Variants in IGSF10 observed in about 807,000 individuals in gnomAD.
The protein encoded by IGSF10 is calvaria mechanical force protein 608.
A neutral mutation model predicts 128.2 loss-of-function variants in IGSF10; 126 were observed. That is an observed-to-expected ratio of 0.98 (90% CI 0.85 to 1.14). IGSF10 has a LOEUF of 1.14. Ranked by LOEUF, IGSF10 falls within the 50% of genes most tolerant of loss-of-function variation. The probability of loss-of-function intolerance (pLI) is 0.00; values close to 1 mark genes in which losing one functional copy is unlikely to be tolerated. For synonymous variants in IGSF10, 1,185 were observed against 1,146.2 expected (o/e 1.03, Z -0.68); for missense variants, 3,295 against 3,149.8 (o/e 1.05, Z -1.10).
At chr3:151,463,523 G>GGTTTTTTTGTTTT (rs1553837068), upstream of IGSF10, among the ~76,000 whole-genome samples, 1 of 31,272 alleles carries the variant, frequency 3.2e-5, no homozygotes, top group Admixed American at 4.1e-4. Flanking sequence ...ACATTTTCTG[G>GGTTTTTTTGTTTT]TTTTTTTTTT....
the IGSF10 span, among the ~76,000 whole-genome samples, chr3:151,489,000 T>C: frequency 6.6e-6 from 1 of 152,330 alleles, no homozygotes; most frequent in East Asian, 1.9e-4. Flanking sequence ...AAAGAACTTC[T>C]GCGCAGCAAA....
chr3:151,618,009 C>T, the IGSF10 span, among the ~76,000 whole-genome samples: 1 of 152,174 alleles, frequency 6.6e-6, no homozygotes, highest in East Asian at 1.9e-4. Context: ...CTGTTATAGA[C>T]TGAATGTTCA....
At chr3:151,619,756 C>T in the IGSF10 span, among the ~76,000 whole-genome samples, 13 of 152,074 alleles carry the variant, frequency 8.5e-5, no homozygotes, top group African/African-American at 3.1e-4. Flanking sequence ...ACTCTGCCCT[C>T]ATGAATTTAT....
At chr3:151,563,792 A>G in the IGSF10 span, among the ~76,000 whole-genome samples, 2 of 152,204 alleles carry the variant, frequency 1.3e-5, no homozygotes, top group Admixed American at 1.3e-4. Context: ...TTATTTAACA[A>G]ATATTTATAT....
chr3:151,579,573 C>T, the IGSF10 span, among the ~76,000 whole-genome samples: 1 of 149,132 alleles, frequency 6.7e-6, no homozygotes, highest in African/African-American at 2.5e-5. Context: ...AAAGATCAAT[C>T]AAAAGAAATG....
the IGSF10 span, among the ~76,000 whole-genome samples, chr3:151,498,971 G>A: frequency 6.6e-6 from 1 of 152,016 alleles, no homozygotes; most frequent in Admixed American, 6.6e-5. Context: ...TTTTTTTCAA[G>A]AGATCTAACA....
the IGSF10 span, among the ~76,000 whole-genome samples, chr3:151,497,300 T>C: frequency 1.3e-5 from 2 of 152,226 alleles, no homozygotes; most frequent in African/African-American, 4.8e-5. Context: ...AGGGTTTTTA[T>C]GGCTTTAGGT....
At chr3:151,463,114 G>A (rs1041738289), upstream of IGSF10, among the ~76,000 whole-genome samples, 1 of 152,168 alleles carries the variant, frequency 6.6e-6, no homozygotes, top group Non-Finnish European at 1.5e-5. Flanking sequence ...CAATTTCAAA[G>A]TGAACTCCTG....
chr3:151,600,202 A>C, the IGSF10 span, among the ~76,000 whole-genome samples: 3 of 152,180 alleles, frequency 2.0e-5, no homozygotes, highest in East Asian at 5.8e-4. Context: ...CTAAAACACA[A>C]TTTCTTACTC....
the IGSF10 span, among the ~76,000 whole-genome samples, chr3:151,573,205 G>C: frequency 6.6e-6 from 1 of 152,206 alleles, no homozygotes; most frequent in Non-Finnish European, 1.5e-5. Flanking sequence ...TGTATATTCT[G>C]TTGATTTGGG....
chr3:151,443,299 T>G lies in IGSF10; in HGVS notation c.5648A>C (p.Glu1883Ala). The G allele has an allele frequency of 6.2e-7, 1 of 1,614,042 alleles. No individual in the cohort carries two copies. Among genetic ancestry groups the G allele is most frequent in the African/African-American group, 1.3e-5 (1 of 75,048 alleles). The change falls in exon 7 of 8, where the codon GAA (glutamate) becomes GCA (alanine). Residue 1883 changes from glutamate to alanine, a missense_variant. Glu to Ala is a moderately radical substitution (Grantham distance 107, BLOSUM62 -1). Transcript: ENST00000282466. ...SVYWVLSDGT[E>A]VKPLQFTNSK... is the part of the protein sequence containing the mutation. ...ATTGGTAAACTGTAATGGTTTCACTTCAGTGCCATCAGAGAGGACCCAGTA... is the reference window on the plus strand; with the variant it reads ...ATTGGTAAACTGTAATGGTTTCACTGCAGTGCCATCAGAGAGGACCCAGTA...
the IGSF10 span, among the ~76,000 whole-genome samples, chr3:151,555,329 C>T: frequency 6.6e-6 from 1 of 151,936 alleles, no homozygotes; most frequent in Non-Finnish European, 1.5e-5. Flanking sequence ...ACAGACAAAA[C>T]ACTGGCCACT....
the IGSF10 span, among the ~76,000 whole-genome samples, chr3:151,532,532 T>A: frequency 6.6e-6 from 1 of 151,860 alleles, no homozygotes; most frequent in Non-Finnish European, 1.5e-5. Flanking sequence ...CATACCCAAA[T>A]TAATAAACAT....
chr3:151,462,375 T>C (rs376416787), upstream of IGSF10, among the ~76,000 whole-genome samples: 1 of 152,200 alleles, frequency 6.6e-6, no homozygotes, highest in Non-Finnish European at 1.5e-5. Context: ...TAGGAGTCCA[T>C]GTGTTAACAA....
chr3:151,528,926 ATGG>A, the IGSF10 span, among the ~76,000 whole-genome samples: 2 of 151,268 alleles, frequency 1.3e-5, no homozygotes, highest in African/African-American at 4.9e-5. Context: ...TCCCACCCCC[ATGG>A]AGCCCAGCAA....
At chr3:151,491,444 G>A in the IGSF10 span, among the ~76,000 whole-genome samples, 3 of 152,074 alleles carry the variant, frequency 2.0e-5, no homozygotes, top group African/African-American at 7.2e-5. Flanking sequence ...CAGGTGTGGT[G>A]GTGTGTGCCT....
chr3:151,478,716 T>C, the IGSF10 span, among the ~76,000 whole-genome samples: 2 of 152,190 alleles, frequency 1.3e-5, no homozygotes, highest in Non-Finnish European at 2.9e-5. Flanking sequence ...GAATGAATCA[T>C]TTTGCATTTG....
the IGSF10 span, among the ~76,000 whole-genome samples, chr3:151,533,960 AAACAAC>A: frequency 6.6e-6 from 1 of 152,218 alleles, no homozygotes; most frequent in East Asian, 1.9e-4. Flanking sequence ...ATTTACAAGA[AAACAAC>A]AACAACAACT....
At position 151,437,626 on chromosome 3, in the gene IGSF10, A is replaced by G. The variant is rs2108523793; in HGVS notation, c.6935T>C (p.Ile2312Thr). ...NVRLSDSADF[I>T]CVARNEGGES... ...TCCACCTTCATTTCGGGCCACACAG[A>G]TAAAGTCGGCTGAATCTGAAAGCCT... Residue 2312 changes from isoleucine to threonine, a missense_variant, in exon 8 of 8, where the codon ATC becomes ACC. Transcript: ENST00000282466. 1 of 1,614,212 alleles carries G rather than the reference A, an allele frequency of 6.2e-7. No homozygotes were observed. The highest frequency in any genetic ancestry group is 8.5e-7 in the Non-Finnish European group (1 of 1,180,038).
Sources: allele counts gnomAD v4.1 joint callset (sites outside exome capture counted in the v4.1 genomes callset), GRCh38; gene constraint gnomAD v4.1.1; transcripts MANE v1.5; gene names NCBI Gene and HGNC (gene_info 2026-07-23, HGNC 2026-07-21).